The following MAP3K4 variants were observed in gnomAD, a reference collection of about 807,000 sequenced individuals.
MAP3K4 encodes the protein MAP three kinase 1.
In MAP3K4, 67 loss-of-function variants were observed where a neutral mutation model predicts 185.6. That is an observed-to-expected ratio of 0.36 (90% CI 0.30 to 0.44). The LOEUF (loss-of-function observed/expected upper bound fraction) is 0.44. Among genes scored for constraint, MAP3K4 ranks in the 20% least tolerant of loss-of-function variants. MAP3K4 has a pLI of 1.00. For synonymous variants in MAP3K4, 702 were observed against 710.4 expected (o/e 0.99, Z 0.19); for missense variants, 1,551 against 1,995.1 (o/e 0.78, Z 4.24).
Position 161,100,794 on chromosome 6 carries a change from C to G in MAP3K4, c.3675-1098C>G, listed in dbSNP as rs1777808408. ...TTGGTCTCACCAGTGGTCTTTGTTGCTGCTTAGGAGTGGAGTAGGCTTCCT... is the reference window on the plus strand; with the variant it reads ...TTGGTCTCACCAGTGGTCTTTGTTGGTGCTTAGGAGTGGAGTAGGCTTCCT... On this transcript the variant is annotated intron_variant, in intron 17 of 26. Transcript: ENST00000392142. The surrounding 1 kb of genome is among the most constrained non-coding windows in gnomAD (Gnocchi z 5.8). Among the ~76,000 whole-genome samples, 1 of 152,110 alleles carries G rather than the reference C, an allele frequency of 6.6e-6. No individual in the cohort carries two copies. The highest frequency in any genetic ancestry group is 6.5e-5 in the Admixed American group (1 of 15,268).
intron 2 of MAP3K4, among the ~76,000 whole-genome samples, chr6:161,044,544 GT>G (rs1180678537): frequency 6.6e-6 from 1 of 152,124 alleles, no homozygotes; most frequent in Non-Finnish European, 1.5e-5. Flanking sequence ...CCCTAGTGTT[GT>G]TCTCAGATCT....
chr6:161,004,453 A>G (rs151229709), intron 1 of MAP3K4, among the ~76,000 whole-genome samples: 1 of 152,340 alleles, frequency 6.6e-6, no homozygotes, highest in Non-Finnish European at 1.5e-5. Context: ...CAACTCATCA[A>G]TAACAACATG....
At position 161,106,580 on chromosome 6, in the gene MAP3K4, G is replaced by C. The variant is rs147863138; in HGVS notation, c.3923G>C (p.Arg1308Thr). Reference protein sequence around the residue: ...QKSVRLFEEKRYREMRRKNII... With the variant: ...QKSVRLFEEKTYREMRRKNII... ...TCAGTCCGATTGTTTGAAGAAAAGA[G>C]GTACCGAGAAATGAGGAGAAAGAAT... Residue 1308 changes from arginine (R) to threonine (T), a missense_variant, in exon 20 of 27, where the codon AGG becomes ACG. Arg to Thr is a moderately conservative substitution (Grantham distance 71). This residue lies in a region of MAP3K4 where 272 missense variants were observed against 301.2 expected (regional missense o/e 0.90). Coordinates refer to ENST00000392142, the MANE Select transcript of MAP3K4 (RefSeq NM_005922.4). The surrounding 1 kb of genome is among the most constrained non-coding windows in gnomAD (Gnocchi z 4.9). 8.2e-5 allele frequency: 132 copies of C among 1,613,856 alleles called. No homozygotes were observed. The highest frequency in any genetic ancestry group is 1.1e-4 in the Non-Finnish European group (128 of 1,179,918).
intron 3 of MAP3K4, among the ~76,000 whole-genome samples, chr6:161,060,073 A>G (rs1784418505): frequency 6.6e-6 from 1 of 152,162 alleles, no homozygotes; most frequent in African/African-American, 2.4e-5. Flanking sequence ...ATATCTGACT[A>G]TTTGTGCCAT....
At chr6:160,993,880 C>T (rs575419315) in intron 1 of MAP3K4, among the ~76,000 whole-genome samples, 1 of 152,054 alleles carries the variant, frequency 6.6e-6, no homozygotes, top group African/African-American at 2.4e-5. Flanking sequence ...AGCAACATTG[C>T]AGTTAATTTT....
chr6:161,102,615 A>T, intron 18 of MAP3K4, 84 bp from the exon 19 acceptor site: 1 of 889,774 alleles, frequency 1.1e-6, no homozygotes, highest in Non-Finnish European at 1.7e-6. Context: ...GGTTGCTTTT[A>T]ACCATTACCT....
Position 161,040,200 on chromosome 6 carries a change from A to G in MAP3K4, c.343+5751A>G, listed in dbSNP as rs546075101. ...TAAATTTGCCTATTTCTCATTTTAT[A>G]TTTATCTTTACTAAGGAGAATATAG... On this transcript the variant is annotated intron_variant, in intron 2 of 26. Coordinates refer to ENST00000392142, the MANE Select transcript of MAP3K4 (RefSeq NM_005922.4). 4.6e-5 allele frequency among the ~76,000 whole-genome samples: 7 copies of G among 152,248 alleles called. No individual in the cohort carries two copies. In the South Asian group the frequency reaches 8.3e-4, roughly 18 times the overall value.
In MAP3K4 at chr6:161,073,653, TTC is replaced by T; in HGVS notation, c.2097+43_2097+44del. ...GAGGAATTTTTCTTTCTTTCTTTGT[TTC>T]TTTTTTTAAAAAAGTAAGCCTGTAT... On this transcript the variant is annotated intron_variant, in intron 5 of 26. Coordinates refer to ENST00000392142, the MANE Select transcript of MAP3K4 (RefSeq NM_005922.4). This position sits in a 1 kb window ranked among gnomAD's most constrained non-coding sequence, Gnocchi z 4.2. 6.3e-7 allele frequency: 1 copy of T among 1,585,902 alleles called. No homozygotes were observed. The highest frequency in any genetic ancestry group is 1.1e-5 in the South Asian group (1 of 87,206).
Position 161,049,922 on chromosome 6 carries a change from G to T in MAP3K4, c.1650G>T (p.Met550Ile). 4 of 1,614,026 alleles carry T rather than the reference G, an allele frequency of 2.5e-6. No homozygotes were observed. Among genetic ancestry groups the T allele is most frequent in the Non-Finnish European group, 3.4e-6 (4 of 1,179,964 alleles). Residue 550 changes from methionine (M) to isoleucine (I), a missense_variant, in exon 3 of 27, where the codon ATG becomes ATT. Met to Ile is a conservative substitution (Grantham distance 10). This residue lies in a region of MAP3K4 where 86 missense variants were observed against 81.6 expected (regional missense o/e 1.05). Coordinates refer to ENST00000392142, the MANE Select transcript of MAP3K4 (RefSeq NM_005922.4). The surrounding 1 kb of genome is among the most constrained non-coding windows in gnomAD (Gnocchi z 8.4). ...RKLILRLHKL[M>I]DGSLQRARIA... ...TAATTTTAAGACTTCACAAGCTAAT[G>T]GATGGTTCCTTGCAAAGGGCACGTA...
chr6:160,992,979 G>C (rs968843047), intron 1 of MAP3K4, among the ~76,000 whole-genome samples: 9 of 151,950 alleles, frequency 5.9e-5, no homozygotes, highest in Non-Finnish European at 1.2e-4. Flanking sequence ...AAAATACCTC[G>C]GCAGCTCCTC....
At position 161,112,399 on chromosome 6, in the gene MAP3K4, T is replaced by G. The variant is rs1352818367; in HGVS notation, c.4520-269T>G. On this transcript the variant is annotated intron_variant, in intron 24 of 26. Coordinates refer to ENST00000392142, the MANE Select transcript of MAP3K4 (RefSeq NM_005922.4). This position sits in a 1 kb window ranked among gnomAD's most constrained non-coding sequence, Gnocchi z 5.1. ...TCACTTAGTGCCATGAAATTTTGCC[T>G]CCTCCTTTGCAGGTTAAATTTTCTA... Among the ~76,000 whole-genome samples, 2 of 152,170 alleles carry G rather than the reference T, an allele frequency of 1.3e-5. No individual in the cohort carries two copies. Among genetic ancestry groups the G allele is most frequent in the African/African-American group, 2.4e-5 (1 of 41,444 alleles).
At position 161,086,813 on chromosome 6, in the gene MAP3K4, A is replaced by G. The variant is rs1325559663; in HGVS notation, c.2556+146A>G. 1.7e-5 allele frequency: 10 copies of G among 605,934 alleles called. No homozygotes were observed. The highest frequency in any genetic ancestry group is 2.9e-5 in the Non-Finnish European group (10 of 347,528). 37.5% of individuals were successfully genotyped at this position (605,934 alleles called of 1,614,324 possible). The stretch of plus-strand genomic sequence containing the variant: ...ACCCCAGTTGTAAGACTGTCCTGTA[A>G]TTCACCAGTGGAATAATGAAACAGT... On this transcript the variant is annotated intron_variant, in intron 9 of 26. Coordinates refer to ENST00000392142, the MANE Select transcript of MAP3K4 (RefSeq NM_005922.4). This position sits in a 1 kb window ranked among gnomAD's most constrained non-coding sequence, Gnocchi z 4.8.
chr6:161,098,457 C>G lies in MAP3K4; in HGVS notation c.3674+30C>G, dbSNP rs1777677159. The G allele has an allele frequency of 6.3e-7, 1 of 1,595,184 alleles. No homozygotes were observed. Among genetic ancestry groups the G allele is most frequent in the Admixed American group, 1.7e-5 (1 of 58,588 alleles). ...TCTCACCCCACCAGTGTCCCGTACCCTCACCACCCCTTACATGCGCTTACA... is the reference window on the plus strand; with the variant it reads ...TCTCACCCCACCAGTGTCCCGTACCGTCACCACCCCTTACATGCGCTTACA... On this transcript the variant is annotated intron_variant, in intron 17 of 26. Coordinates refer to ENST00000392142, the MANE Select transcript of MAP3K4 (RefSeq NM_005922.4). This position sits in a 1 kb window ranked among gnomAD's most constrained non-coding sequence, Gnocchi z 4.4.
rs1476464278 is a variant in MAP3K4 at position 160,991,773 on chromosome 6, G to A, written c.-159G>A. Reference sequence around the variant, plus strand: ...GCCGCCCACCGTAGCCCCGGCGCTCGGCCGGTCGCCGTTTCCAAGATGGCC... The same window carrying A: ...GCCGCCCACCGTAGCCCCGGCGCTCAGCCGGTCGCCGTTTCCAAGATGGCC... On this transcript the variant is annotated 5_prime_UTR_variant, in exon 1 of 27. Coordinates refer to ENST00000392142, the MANE Select transcript of MAP3K4 (RefSeq NM_005922.4). This position sits in a 1 kb window ranked among gnomAD's most constrained non-coding sequence, Gnocchi z 5.7. The A allele has an allele frequency of 3.8e-6, 3 of 781,956 alleles. No individual in the cohort carries two copies. The African/African-American group carries it at 5.5e-5, about 14-fold the overall frequency. The allele number at this position is 781,956 out of a possible 1,614,324, so 48.4% of individuals were successfully genotyped here.
Position 161,034,181 on chromosome 6 carries a change from T to C in MAP3K4, c.153-78T>C. 1 of 1,172,328 alleles carries C rather than the reference T, an allele frequency of 8.5e-7. No homozygotes were observed. The highest frequency in any genetic ancestry group is 2.6e-5 in the East Asian group (1 of 38,794). 72.6% of individuals were successfully genotyped at this position (1,172,328 alleles called of 1,614,324 possible). ...TCTGTACAAAAGTTTTACAAAGAAT[T>C]ATTTAAAAAATTATAAGTAAATTTG... On this transcript the variant is annotated intron_variant, in intron 1 of 26. Transcript: ENST00000392142. The surrounding 1 kb of genome is among the most constrained non-coding windows in gnomAD (Gnocchi z 4.4).
chr6:160,995,260 A>G (rs1054137619), intron 1 of MAP3K4, among the ~76,000 whole-genome samples: 2 of 152,228 alleles, frequency 1.3e-5, no homozygotes, highest in African/African-American at 2.4e-5. Context: ...CTTTTAATAC[A>G]TTGGAAACCA....
chr6:161,002,729 C>G (rs950999159), intron 1 of MAP3K4, among the ~76,000 whole-genome samples: 15 of 151,106 alleles, frequency 9.9e-5, no homozygotes, highest in Non-Finnish European at 1.3e-4. Context: ...GTAGCTGGGA[C>G]TACAGGCGCC....
rs138679898 is a variant in MAP3K4, at chr6:161,074,661, C to T, written c.2097+1049C>T. Among the ~76,000 whole-genome samples the T allele has an allele frequency of 6.6e-6, 1 of 152,306 alleles. No individual in the cohort carries two copies. Among genetic ancestry groups the T allele is most frequent in the African/African-American group, 2.4e-5 (1 of 41,562 alleles). On this transcript the variant is annotated intron_variant, in intron 5 of 26. Transcript: ENST00000392142. The surrounding 1 kb of genome is among the most constrained non-coding windows in gnomAD (Gnocchi z 5.0). Reference sequence around the variant, plus strand: ...ATAGTGTTCATGTATCGTAAGTACACGTTAGATTCATTAGGGTATATGCAT... The same window carrying T: ...ATAGTGTTCATGTATCGTAAGTACATGTTAGATTCATTAGGGTATATGCAT...
intron 19 of MAP3K4, among the ~76,000 whole-genome samples, chr6:161,104,615 G>A (rs1218222965): frequency 1.3e-5 from 2 of 150,038 alleles, no homozygotes; most frequent in Non-Finnish European, 2.9e-5. Flanking sequence ...GGAGGCCGAG[G>A]CAGAAGAATC....
Sources: allele counts gnomAD v4.1 joint callset (sites outside exome capture counted in the v4.1 genomes callset), GRCh38; gene constraint gnomAD v4.1.1; regional missense constraint gnomAD v4.1.1; non-coding constraint Gnocchi (gnomAD v3.1); transcripts MANE v1.5; gene names NCBI Gene and HGNC (gene_info 2026-07-23, HGNC 2026-07-21).